DYNC2LI1: variants seen among roughly 807,000 people sequenced by gnomAD.
DYNC2LI1 encodes dynein cytoplasmic 2 light intermediate chain 1.
In DYNC2LI1, 45 loss-of-function variants were observed where a neutral mutation model predicts 51.9. That is an observed-to-expected ratio of 0.87 (90% CI 0.68 to 1.11). The LOEUF (loss-of-function observed/expected upper bound fraction) is 1.11. Ranked by LOEUF, DYNC2LI1 falls within the 50% of genes most tolerant of loss-of-function variation. DYNC2LI1 has a pLI of 0.00. For missense variants in DYNC2LI1, 490 were observed against 417.4 expected (o/e 1.17, Z -1.51); for synonymous variants, 130 against 137.8 (o/e 0.94, Z 0.40).
At chr2:43,813,633 T>A (rs1375012703), downstream of DYNC2LI1, among the ~76,000 whole-genome samples, 2 of 151,710 alleles carry the variant, frequency 1.3e-5, no homozygotes, top group Non-Finnish European at 2.9e-5. Context: ...TCAGCCATAT[T>A]CTTTGGTTGT....
intron 3 of DYNC2LI1, among the ~76,000 whole-genome samples, chr2:43,785,141 A>G (rs982581093): frequency 5.9e-5 from 9 of 151,706 alleles, no homozygotes; most frequent in Non-Finnish European, 8.8e-5. Context: ...GTACCAAAAG[A>G]TACAAAAATT....
chr2:43,775,692 C>CTTT (rs540756527), intron 1 of DYNC2LI1: 161 of 325,622 alleles, frequency 4.9e-4, no homozygotes, highest in Middle Eastern at 1.1e-3. Flanking sequence ...TTTTTATTTT[C>CTTT]TTTTTTTTTT....
At chr2:43,796,359 C>T (rs999241147) in intron 7 of DYNC2LI1, among the ~76,000 whole-genome samples, 2 of 151,850 alleles carry the variant, frequency 1.3e-5, no homozygotes, top group Non-Finnish European at 2.9e-5. Context: ...AGTCTTCAAC[C>T]CAGTCACTGG....
downstream of DYNC2LI1, among the ~76,000 whole-genome samples, chr2:43,811,130 G>A (rs1275670180): frequency 6.6e-6 from 1 of 152,154 alleles, no homozygotes; most frequent in Admixed American, 6.5e-5. Flanking sequence ...TCTTTAGTAA[G>A]TTGAAATCAG....
chr2:43,820,570 T>A, the DYNC2LI1 span, among the ~76,000 whole-genome samples: 2 of 152,298 alleles, frequency 1.3e-5, no homozygotes, highest in South Asian at 4.2e-4. Context: ...CCTCACTTCT[T>A]TTGTCCTCGA....
At chr2:43,785,088 A>T (rs1198053015) in intron 3 of DYNC2LI1, among the ~76,000 whole-genome samples, 4 of 151,990 alleles carry the variant, frequency 2.6e-5, no homozygotes, top group Non-Finnish European at 5.9e-5. Flanking sequence ...GCTTGAACTC[A>T]GGAGTTCAAG....
the DYNC2LI1 span, chr2:43,823,900 C>G: frequency 1.2e-6 from 2 of 1,612,996 alleles, no homozygotes; most frequent in Non-Finnish European, 1.7e-6. Context: ...ACCTCCAGCA[C>G]GTGGGCACTT....
chr2:43,796,207 C>G (rs984870351), intron 7 of DYNC2LI1, among the ~76,000 whole-genome samples: 2 of 152,038 alleles, frequency 1.3e-5, no homozygotes, highest in Non-Finnish European at 2.9e-5. Context: ...GTGGCTTATG[C>G]CAGTAGTCCC....
chr2:43,777,455 A>G (rs140125040), intron 2 of DYNC2LI1, among the ~76,000 whole-genome samples: 1 of 152,354 alleles, frequency 6.6e-6, no homozygotes, highest in Non-Finnish European at 1.5e-5. Flanking sequence ...GTGTAGGAAC[A>G]TATGCATCAT....
In DYNC2LI1 at chr2:43,787,187, A is replaced by G; in HGVS notation, c.168A>G (p.Glu56=). The change falls in exon 4 of 13, where the codon GAA becomes GAG. Residue 56 remains glutamate, a synonymous_variant. Coordinates refer to ENST00000260605, the MANE Select transcript of DYNC2LI1 (RefSeq NM_016008.4). ...ATCGGCCTTTATTATACAGAGATGA[A>G]CCACCAAAACCAACCTTAGCTTTGG... ...TIILRCLDRD[E]PPKPTLALEY... 1.2e-6 allele frequency: 2 copies of G among 1,612,702 alleles called. No individual in the cohort carries two copies. The highest frequency in any genetic ancestry group is 1.7e-6 in the Non-Finnish European group (2 of 1,179,010).
intron 1 of DYNC2LI1, among the ~76,000 whole-genome samples, chr2:43,776,310 A>T (rs556899926): frequency 1.1e-4 from 17 of 151,834 alleles, no homozygotes; most frequent in African/African-American, 3.9e-4. Context: ...ATTAAACAAA[A>T]TTTTTTTTTA....
chr2:43,824,258 T>A, the DYNC2LI1 span: 1 of 1,614,246 alleles, frequency 6.2e-7, no homozygotes, highest in South Asian at 1.1e-5. Context: ...TCCAGGAGAA[T>A]CTTTGGTTTT....
downstream of DYNC2LI1, among the ~76,000 whole-genome samples, chr2:43,814,065 A>T (rs114063863): frequency 6.6e-6 from 1 of 151,998 alleles, no homozygotes; most frequent in East Asian, 1.9e-4. Context: ...TTCTACTTCC[A>T]TCTGGTGGGA....
At position 43,787,231 on chromosome 2, in the gene DYNC2LI1, G is replaced by C. The variant is rs1174180552; in HGVS notation, c.212G>C (p.Arg71Thr). ...TLALEYTYGR[R>T]AKGHNTPKDI... ...GCTTTGGAATATACATATGGAAGAAGAGCAAAAGGGCACAACACAGTAAGT... is the reference window on the plus strand; with the variant it reads ...GCTTTGGAATATACATATGGAAGAACAGCAAAAGGGCACAACACAGTAAGT... Residue 71 changes from arginine (R) to threonine (T), a missense_variant, in exon 4 of 13, where the codon AGA (arginine) becomes ACA (threonine). Arg to Thr is a moderately conservative substitution (Grantham distance 71). Transcript: ENST00000260605. The C allele has an allele frequency of 1.2e-6, 2 of 1,613,080 alleles. No homozygotes were observed. Among genetic ancestry groups the C allele is most frequent in the Non-Finnish European group, 1.7e-6 (2 of 1,179,504 alleles).
At chr2:43,828,329 A>C in the DYNC2LI1 span, 1 of 676,062 alleles carries the variant, frequency 1.5e-6, no homozygotes, top group Non-Finnish European at 2.5e-6. Context: ...AATAAATAAT[A>C]TGAATTTTTT....
chr2:43,820,096 G>C, the DYNC2LI1 span: 11 of 1,613,704 alleles, frequency 6.8e-6, no homozygotes, highest in Non-Finnish European at 9.3e-6. Context: ...TGTAAGCCCA[G>C]CGTCCTAGAA....
At chr2:43,809,327 A>C (rs2104729135) in intron 12 of DYNC2LI1, among the ~76,000 whole-genome samples, 1 of 152,284 alleles carries the variant, frequency 6.6e-6, no homozygotes, top group South Asian at 2.1e-4. Flanking sequence ...GCTAACTTCA[A>C]CCAAGTTTTT....
chr2:43,791,333 C>T (rs1673773304), intron 5 of DYNC2LI1, among the ~76,000 whole-genome samples: 1 of 152,124 alleles, frequency 6.6e-6, no homozygotes, highest in Non-Finnish European at 1.5e-5. Context: ...GGAGTCGCCT[C>T]CTATTCAACT....
At chr2:43,803,920 A>C (rs1666153643) in intron 10 of DYNC2LI1, among the ~76,000 whole-genome samples, 1 of 152,238 alleles carries the variant, frequency 6.6e-6, no homozygotes, top group South Asian at 2.1e-4. Context: ...ACACATAAAG[A>C]TATCTCCTTG....
Sources: allele counts gnomAD v4.1 joint callset (sites outside exome capture counted in the v4.1 genomes callset), GRCh38; gene constraint gnomAD v4.1.1; transcripts MANE v1.5; gene names NCBI Gene and HGNC (gene_info 2026-07-23, HGNC 2026-07-21).